GPR161: variants seen among roughly 807,000 people sequenced by gnomAD.
The protein encoded by GPR161 is G-protein coupled receptor RE2.
In GPR161, 25 loss-of-function variants were observed where a neutral mutation model predicts 39.2. The ratio of observed to expected loss-of-function variants is 0.64; its 90% CI spans 0.47 to 0.89. GPR161 has a LOEUF of 0.89. GPR161 is among the 40% of genes least tolerant of loss of function. The probability of loss-of-function intolerance (pLI) is 0.00; values close to 1 mark genes in which losing one functional copy is unlikely to be tolerated. For synonymous variants in GPR161, 286 were observed against 276.6 expected (o/e 1.03, Z -0.34); for missense variants, 547 against 677.8 (o/e 0.81, Z 2.14).
chr1:168,096,482 G>A, intron 3 of GPR161, 26 bp downstream of exon 3: 5 of 1,601,482 alleles, frequency 3.1e-6, no homozygotes, highest in Non-Finnish European at 4.3e-6. Context: ...GCCTCGGAGG[G>A]GCTATCCTAA....
chr1:168,101,253 A>G (rs1383657040), intron 2 of GPR161, among the ~76,000 whole-genome samples: 4 of 151,984 alleles, frequency 2.6e-5, no homozygotes, highest in Non-Finnish European at 5.9e-5. Context: ...AGCATTAGGT[A>G]TATCTCCTAA....
chr1:168,080,522 CCT>C lies in GPR161; in HGVS notation c.*5007_*5008del, dbSNP rs1486091985. On this transcript the variant is annotated 3_prime_UTR_variant, in exon 6 of 6. Coordinates refer to ENST00000682931, the MANE Select transcript of GPR161 (RefSeq NM_001375883.1). ...TTGCCTACAGTGAAGACGGTAATTT[CCT>C]CTCTCTCCCACAGGCTCCATCTGGG... 2.0e-5 allele frequency: 3 copies of C among 152,288 alleles called. No individual in the cohort carries two copies. Among genetic ancestry groups the C allele is most frequent in the Admixed American group, 1.3e-4 (2 of 15,282 alleles). The allele number at this position is 152,288 out of a possible 1,614,324, so 9.4% of individuals were successfully genotyped here. A position where few individuals can be genotyped will look rare whatever the true frequency, so the allele number is the denominator to read the frequency against.
intron 4 of GPR161, 21 bp downstream of exon 4, chr1:168,090,543 C>T (rs1694960276): frequency 2.1e-6 from 3 of 1,403,238 alleles, no homozygotes; most frequent in Non-Finnish European, 3.0e-6. Flanking sequence ...AGGTGAGAGG[C>T]TTATAAAGCA....
In GPR161 at chr1:168,082,246, A is replaced by T. The variant is rs1445787085; in HGVS notation, c.*3285T>A. The T allele has an allele frequency of 2.6e-5, 4 of 152,174 alleles. No homozygotes were observed. The allele number at this position is 152,174 out of a possible 1,614,324, so 9.4% of individuals were successfully genotyped here. The stretch of plus-strand genomic sequence containing the variant: ...CTCCAGGAGCAGTGATCTACCTAAG[A>T]TCACTCAGTGGCAATACCTGTGAAC... On this transcript the variant is annotated 3_prime_UTR_variant, in exon 6 of 6. Coordinates refer to ENST00000682931, the MANE Select transcript of GPR161 (RefSeq NM_001375883.1).
At chr1:168,099,053 T>C (rs900690469) in intron 2 of GPR161, among the ~76,000 whole-genome samples, 2 of 152,210 alleles carry the variant, frequency 1.3e-5, no homozygotes, top group African/African-American at 4.8e-5. Context: ...AAGGCCCGGA[T>C]GGTGCCTACC....
intron 2 of GPR161, 102 bp downstream of exon 2, chr1:168,104,375 G>T: frequency 1.1e-6 from 1 of 918,758 alleles, no homozygotes; most frequent in Non-Finnish European, 1.7e-6. Context: ...CCCAGCAAGG[G>T]CCCCTGACAC....
At chr1:168,107,366 C>A (rs565353801) in intron 1 of GPR161, among the ~76,000 whole-genome samples, 2 of 152,198 alleles carry the variant, frequency 1.3e-5, no homozygotes, top group African/African-American at 2.4e-5. Flanking sequence ...TAAGAGGTGA[C>A]TGGGTGATGA....
chr1:168,095,045 A>C (rs1372789216), intron 3 of GPR161, among the ~76,000 whole-genome samples: 2 of 152,246 alleles, frequency 1.3e-5, no homozygotes, highest in Non-Finnish European at 2.9e-5. Flanking sequence ...GCATATTGGC[A>C]TATGTGCCCC....
At chr1:168,089,953 G>A (rs1694893266) in intron 4 of GPR161, among the ~76,000 whole-genome samples, 2 of 152,150 alleles carry the variant, frequency 1.3e-5, no homozygotes, top group Non-Finnish European at 1.5e-5. Flanking sequence ...GTGGAGATGC[G>A]TTTCTACAGG....
intron 1 of GPR161, among the ~76,000 whole-genome samples, chr1:168,123,163 G>T (rs1374622964): frequency 6.6e-6 from 1 of 152,122 alleles, no homozygotes; most frequent in Non-Finnish European, 1.5e-5. Flanking sequence ...ATATGGGCTT[G>T]GTCCAGGAAT....
rs1572217121 is a variant in GPR161, at chr1:168,081,270, TCAC to T, written c.*4258_*4260del. ...CCTGCTCTCTATTGCCTGCTCTTCCTCACCACATCCCTGCTTTTCTGAAAGTCC... is the reference window on the plus strand; with the variant it reads ...CCTGCTCTCTATTGCCTGCTCTTCCTCACATCCCTGCTTTTCTGAAAGTCC... On this transcript the variant is annotated 3_prime_UTR_variant, in exon 6 of 6. Transcript: ENST00000682931. The T allele has an allele frequency of 6.6e-6, 1 of 152,228 alleles. No individual in the cohort carries two copies. Among genetic ancestry groups the T allele is most frequent in the African/African-American group, 2.4e-5 (1 of 41,444 alleles). The allele number at this position is 152,228 out of a possible 1,614,324, so 9.4% of individuals were successfully genotyped here. A position where few individuals can be genotyped will look rare whatever the true frequency, so the allele number is the denominator to read the frequency against.
intron 4 of GPR161, chr1:168,089,135 C>T (rs1694820334): frequency 5.3e-5 from 8 of 152,226 alleles, no homozygotes; most frequent in Admixed American, 5.2e-4. Flanking sequence ...CAGTTCACCA[C>T]TGTGCCCCCA....
At chr1:168,134,802 A>G in intron 1 of GPR161, 1 of 988,640 alleles carries the variant, frequency 1.0e-6, no homozygotes, top group Admixed American at 2.0e-5. Context: ...AGACAGGCTT[A>G]GCAGCACACA....
intron 2 of GPR161, among the ~76,000 whole-genome samples, chr1:168,103,382 C>A (rs1167783229): frequency 6.7e-6 from 1 of 148,760 alleles, no homozygotes. Flanking sequence ...TCATGTGTTT[C>A]TAATTTCATT....
intron 1 of GPR161, among the ~76,000 whole-genome samples, chr1:168,117,859 C>T (rs891170454): frequency 2.0e-5 from 3 of 152,232 alleles, no homozygotes; most frequent in African/African-American, 7.2e-5. Flanking sequence ...CTGTGCCGCA[C>T]TCTCCCATTT....
At chr1:168,086,555 G>C (rs1384978121) in intron 5 of GPR161, among the ~76,000 whole-genome samples, 1 of 152,186 alleles carries the variant, frequency 6.6e-6, no homozygotes, top group Non-Finnish European at 1.5e-5. Flanking sequence ...ACTCACTCAT[G>C]GCAGGGGAGG....
chr1:168,100,519 G>C (rs1695993734), intron 2 of GPR161, among the ~76,000 whole-genome samples: 3 of 152,144 alleles, frequency 2.0e-5, no homozygotes, highest in Non-Finnish European at 4.4e-5. Context: ...ACCCTAAAGA[G>C]GCTTTCATGA....
rs1476203699 is a variant in GPR161 at position 168,085,622 on chromosome 1, C to G, written c.1499G>C (p.Gly500Ala). ...TARTVPGGGF[G>A]GRRGSRTLVS... ...AAGAGTTCTGCTGCCTCGGCGGCCC[C>G]CGAAGCCGCCCCCCGGGACAGTCCG... is the stretch of plus-strand genomic sequence containing the variant. Residue 500 changes from glycine (G) to alanine (A), a missense_variant, in exon 6 of 6, where the codon GGG (glycine) becomes GCG (alanine). Physicochemically the swap from Gly to Ala is moderately conservative, Grantham distance 60. Coordinates refer to ENST00000682931, the MANE Select transcript of GPR161 (RefSeq NM_001375883.1). 30 of 1,613,954 alleles carry G rather than the reference C, an allele frequency of 1.9e-5. No homozygotes were observed. Among genetic ancestry groups the G allele is most frequent in the Non-Finnish European group, 2.5e-5 (29 of 1,179,972 alleles).
In GPR161 at chr1:168,085,046, C is replaced by T. The variant is rs570659920; in HGVS notation, c.*485G>A. The T allele has an allele frequency of 1.3e-5, 6 of 456,400 alleles. No homozygotes were observed. The highest frequency in any genetic ancestry group is 8.0e-5 in the African/African-American group (4 of 50,176). The allele number at this position is 456,400 out of a possible 1,614,324, so 28.3% of individuals were successfully genotyped here. Reference sequence around the variant, plus strand: ...CATCAACCATGTAGAGGCACCAGGACGGTCGCGTGTCATTAGGAAGAAGTG... The same window carrying T: ...CATCAACCATGTAGAGGCACCAGGATGGTCGCGTGTCATTAGGAAGAAGTG... On this transcript the variant is annotated 3_prime_UTR_variant, in exon 6 of 6. Transcript: ENST00000682931.
Sources: allele counts gnomAD v4.1 joint callset (sites outside exome capture counted in the v4.1 genomes callset), GRCh38; gene constraint gnomAD v4.1.1; transcripts MANE v1.5; gene names NCBI Gene and HGNC (gene_info 2026-07-23, HGNC 2026-07-21).